KIAA1549: variants seen among roughly 807,000 people sequenced by gnomAD.
The protein encoded by KIAA1549 is KIAA1549, also known as UPF0606 protein KIAA1549.
KIAA1549 carries 70 observed loss-of-function variants against 156.4 expected under a neutral mutation model. The observed-to-expected ratio is 0.45, with a 90% CI of 0.37 to 0.55. The LOEUF (loss-of-function observed/expected upper bound fraction) is 0.55. Among genes scored for constraint, KIAA1549 ranks in the 20% least tolerant of loss-of-function variants. The pLI is 0.00. For synonymous variants in KIAA1549, 1,103 were observed against 1,066.4 expected (o/e 1.03, Z -0.67); for missense variants, 2,428 against 2,540.9 (o/e 0.96, Z 0.96).
At position 138,841,695 on chromosome 7, in the gene KIAA1549, C is replaced by T. The variant is rs548864919; in HGVS notation, c.5453-1417G>A. ...ACCTCCTCCGTCTTTAAGTCTATTC[C>T]TACTCTAGTTGTCTAATTAATAACC... On this transcript the variant is annotated intron_variant, in intron 18 of 19. Coordinates refer to ENST00000422774, the MANE Select transcript of KIAA1549 (RefSeq NM_001164665.2). Among the ~76,000 whole-genome samples the T allele has an allele frequency of 9.6e-4, 146 of 152,220 alleles. 4 individuals are homozygous for T. In the South Asian group the frequency reaches 0.03, roughly 31 times the overall value.
At chr7:138,877,199 G>A (rs1158473411) in intron 12 of KIAA1549, among the ~76,000 whole-genome samples, 1 of 152,138 alleles carries the variant, frequency 6.6e-6, no homozygotes, top group Non-Finnish European at 1.5e-5. Context: ...ATTTTTATGT[G>A]AATTATAAAA....
chr7:138,880,167 C>G (rs1394697566), intron 11 of KIAA1549, among the ~76,000 whole-genome samples: 1 of 152,178 alleles, frequency 6.6e-6, no homozygotes, highest in Non-Finnish European at 1.5e-5. Flanking sequence ...CCAGCTTGCA[C>G]CAGGGAAAAT....
chr7:138,864,263 G>A (rs531208181), intron 15 of KIAA1549, among the ~76,000 whole-genome samples: 3 of 152,272 alleles, frequency 2.0e-5, no homozygotes, highest in South Asian at 2.1e-4. Context: ...AGTCCCCAGC[G>A]GCTATAACCA....
At chr7:138,924,189 TTTTTTC>T (rs1214729959) in intron 1 of KIAA1549, among the ~76,000 whole-genome samples, 1 of 147,980 alleles carries the variant, frequency 6.8e-6, no homozygotes, top group Non-Finnish European at 1.5e-5. Flanking sequence ...TTTCTTTTTT[TTTTTTC>T]TTTTTTTTTT....
Position 138,917,890 on chromosome 7 carries a change from G to T in KIAA1549, c.1736C>A (p.Pro579Gln), listed in dbSNP as rs368176243. Reference protein sequence around the residue: ...SFSVIANKNTPSLAVRDPSVF... With the variant: ...SFSVIANKNTQSLAVRDPSVF... ...ACTCGGGTCTCTGACGGCAAGCGAC[G>T]GTGTGTTTTTGTTTGCTATGACAGA... The change falls in exon 2 of 20, where the codon CCG becomes CAG. Residue 579 changes from proline to glutamine, a missense_variant. Physicochemically the swap from Pro to Gln is moderately conservative, Grantham distance 76. Around this residue, in one of 5 missense-constraint regions of KIAA1549, gnomAD observed 893 missense variants for 847.9 expected, o/e 1.05. Coordinates refer to ENST00000422774, the MANE Select transcript of KIAA1549 (RefSeq NM_001164665.2). The T allele has an allele frequency of 6.2e-7, 1 of 1,603,182 alleles. No homozygotes were observed. Among genetic ancestry groups the T allele is most frequent in the Non-Finnish European group, 8.5e-7 (1 of 1,174,926 alleles).
intron 1 of KIAA1549, among the ~76,000 whole-genome samples, chr7:138,975,636 C>T (rs1246083503): frequency 6.6e-6 from 1 of 152,188 alleles, no homozygotes; most frequent in Non-Finnish European, 1.5e-5. Context: ...CATTTGCACA[C>T]ACCCAGGTTT....
chr7:138,956,581 C>T (rs1420935025), intron 1 of KIAA1549, among the ~76,000 whole-genome samples: 7 of 152,068 alleles, frequency 4.6e-5, no homozygotes, highest in African/African-American at 9.7e-5. Flanking sequence ...AAACCCCTTT[C>T]GCTTGGCTCT....
chr7:138,942,166 G>A (rs781372945), intron 1 of KIAA1549, among the ~76,000 whole-genome samples: 6 of 152,076 alleles, frequency 3.9e-5, no homozygotes, highest in South Asian at 4.1e-4. Flanking sequence ...GGATCTATCC[G>A]CTGCCAAAAC....
At chr7:138,854,966 A>G (rs1443515098) in intron 16 of KIAA1549, among the ~76,000 whole-genome samples, 3 of 152,240 alleles carry the variant, frequency 2.0e-5, no homozygotes, top group Non-Finnish European at 4.4e-5. Context: ...TGAGAAAAGC[A>G]GTGGTCAAGG....
At chr7:138,882,040 G>A (rs1355885670) in intron 10 of KIAA1549, among the ~76,000 whole-genome samples, 1 of 152,204 alleles carries the variant, frequency 6.6e-6, no homozygotes, top group East Asian at 1.9e-4. Context: ...TCAGAGCATA[G>A]GAGCACGAGA....
At chr7:138,871,592 C>T (rs961099114) in intron 12 of KIAA1549, among the ~76,000 whole-genome samples, 5 of 152,112 alleles carry the variant, frequency 3.3e-5, no homozygotes, top group Admixed American at 6.5e-5. Context: ...TAAGAAGAGA[C>T]GTGAGGAAAT....
intron 2 of KIAA1549, among the ~76,000 whole-genome samples, chr7:138,915,701 A>G (rs907996012): frequency 2.7e-5 from 4 of 149,800 alleles, no homozygotes; most frequent in Admixed American, 2.0e-4. Flanking sequence ...ACTCCTCCCT[A>G]CCTCTTCTGC....
At chr7:138,971,396 T>C (rs911223648) in intron 1 of KIAA1549, among the ~76,000 whole-genome samples, 8 of 152,100 alleles carry the variant, frequency 5.3e-5, no homozygotes, top group Non-Finnish European at 1.2e-4. Flanking sequence ...CTCTCTCAAA[T>C]GAATGCCTCC....
intron 18 of KIAA1549, among the ~76,000 whole-genome samples, chr7:138,843,717 A>G (rs1365806774): frequency 6.6e-6 from 1 of 152,232 alleles, no homozygotes; most frequent in Non-Finnish European, 1.5e-5. Context: ...ACCTAAAATT[A>G]GCAGGGGAAT....
At chr7:138,876,646 G>T (rs1425873904) in intron 12 of KIAA1549, among the ~76,000 whole-genome samples, 1 of 152,158 alleles carries the variant, frequency 6.6e-6, no homozygotes, top group East Asian at 1.9e-4. Flanking sequence ...TACCTACTTG[G>T]TATATTCCTG....
chr7:138,932,031 C>T (rs75050014), intron 1 of KIAA1549, among the ~76,000 whole-genome samples: 5,560 of 152,124 alleles, frequency 0.037, 125 homozygotes, highest in African/African-American at 0.049. Flanking sequence ...AAGAGTGTCC[C>T]AACCCACTGT....
intron 1 of KIAA1549, among the ~76,000 whole-genome samples, chr7:138,921,552 T>C (rs1447918530): frequency 6.6e-6 from 1 of 152,138 alleles, no homozygotes; most frequent in Non-Finnish European, 1.5e-5. Flanking sequence ...CCTCATCTAA[T>C]ATACTGGTGA....
intron 10 of KIAA1549, among the ~76,000 whole-genome samples, 168 bp from the exon 11 acceptor site, chr7:138,881,752 G>A (rs1054317845): frequency 6.6e-6 from 1 of 152,200 alleles, no homozygotes; most frequent in Admixed American, 6.5e-5. Flanking sequence ...CAGAGTTCCA[G>A]GAGAAGACAG....
chr7:138,915,493 C>T (rs1488782321), intron 2 of KIAA1549, among the ~76,000 whole-genome samples: 1 of 152,062 alleles, frequency 6.6e-6, no homozygotes, highest in Non-Finnish European at 1.5e-5. Context: ...AAGCCATTCC[C>T]ACAGGTAGGG....
Sources: gnomAD v4.1 joint callset for allele counts (sites outside exome capture counted in the v4.1 genomes callset) on GRCh38, gnomAD v4.1.1 for gene constraint, gnomAD v4.1.1 regional missense constraint, MANE v1.5 for transcripts, NCBI Gene and HGNC (gene_info 2026-07-23, HGNC 2026-07-21) for gene names.